CRIM1: variants seen among roughly 807,000 people sequenced by gnomAD.
CRIM1 encodes cysteine rich transmembrane BMP regulator 1, also known as cysteine-rich motor neuron 1 protein.
A neutral mutation model predicts 116.4 loss-of-function variants in CRIM1; 32 were observed. The ratio of observed to expected loss-of-function variants is 0.27; its 90% CI spans 0.21 to 0.37. The LOEUF (loss-of-function observed/expected upper bound fraction) is 0.37, where lower values mean the gene tolerates loss of function less well. Ranked by LOEUF, CRIM1 falls within the 10% of genes least tolerant of loss-of-function variation. The probability of loss-of-function intolerance (pLI) is 1.00; values close to 1 mark genes in which losing one functional copy is unlikely to be tolerated. For synonymous variants in CRIM1, 590 were observed against 509.2 expected, an observed-to-expected ratio of 1.16 and a Z score of -2.13; for missense variants, 1,331 against 1,354.8, an observed-to-expected ratio of 0.98 and a Z score of 0.28.
At chr2:36,424,991 A>G (rs1674345454) in intron 2 of CRIM1, among the ~76,000 whole-genome samples, 1 of 152,198 alleles carries the variant, frequency 6.6e-6, no homozygotes, top group Non-Finnish European at 1.5e-5. Flanking sequence ...TCCTATTGGT[A>G]CAAGAGGACA....
At position 36,422,103 on chromosome 2, in the gene CRIM1, G is replaced by A. The variant is rs561596035; in HGVS notation, c.506-19155G>A. ...GAACATTACAGAAAAATGTTGAGAA[G>A]TGGCAGAATTGGGATACTAGATAGC... On this transcript the variant is annotated intron_variant, in intron 2 of 16. Coordinates refer to ENST00000280527, the MANE Select transcript of CRIM1 (RefSeq NM_016441.3). Among the ~76,000 whole-genome samples, 5 of 151,208 alleles carry A rather than the reference G, an allele frequency of 3.3e-5. No individual in the cohort carries two copies. In the South Asian group the frequency reaches 1.1e-3, roughly 32 times the overall value.
chr2:36,545,544 T>C (rs993713720), intron 15 of CRIM1, among the ~76,000 whole-genome samples: 2 of 152,194 alleles, frequency 1.3e-5, no homozygotes, highest in Admixed American at 1.3e-4. Flanking sequence ...AGAAAATGTA[T>C]GCTTCTCCTA....
chr2:36,411,829 C>A (rs923064777), intron 2 of CRIM1, among the ~76,000 whole-genome samples: 1 of 152,034 alleles, frequency 6.6e-6, no homozygotes, highest in African/African-American at 2.4e-5. Context: ...TCCAGTGGTT[C>A]GTTTCTAAGA....
chr2:36,426,984 C>T (rs544076605), intron 2 of CRIM1, among the ~76,000 whole-genome samples: 2 of 152,086 alleles, frequency 1.3e-5, no homozygotes, highest in East Asian at 1.9e-4. Context: ...GGGTGGATCA[C>T]GAGGTCAGGA....
intron 11 of CRIM1, among the ~76,000 whole-genome samples, chr2:36,514,608 C>A (rs3821155): frequency 6.6e-6 from 1 of 151,906 alleles, no homozygotes; most frequent in Non-Finnish European, 1.5e-5. Flanking sequence ...AATCTTGTAT[C>A]AGATTTCTTT....
chr2:36,484,956 CAA>C (rs1352713298), intron 7 of CRIM1, among the ~76,000 whole-genome samples: 1 of 152,144 alleles, frequency 6.6e-6, no homozygotes, highest in African/African-American at 2.4e-5. Context: ...AACAGGAAGT[CAA>C]AGAGTTATTT....
chr2:36,365,461 C>G (rs964848040), intron 1 of CRIM1, among the ~76,000 whole-genome samples: 1 of 152,150 alleles, frequency 6.6e-6, no homozygotes, highest in Non-Finnish European at 1.5e-5. Flanking sequence ...CTAGCCGATT[C>G]AGAGACCACT....
chr2:36,546,269 A>T (rs1278137901), intron 15 of CRIM1, among the ~76,000 whole-genome samples: 1 of 152,230 alleles, frequency 6.6e-6, no homozygotes, highest in East Asian at 1.9e-4. Flanking sequence ...GTATGTGTTT[A>T]ACCTTATTTT....
chr2:36,503,082 A>C (rs1681115495), intron 8 of CRIM1, among the ~76,000 whole-genome samples: 1 of 152,200 alleles, frequency 6.6e-6, no homozygotes, highest in Non-Finnish European at 1.5e-5. Flanking sequence ...CGTATTAGCA[A>C]TCCAGGTTAT....
At chr2:36,468,440 C>T (rs1045273413) in intron 5 of CRIM1, among the ~76,000 whole-genome samples, 1 of 152,144 alleles carries the variant, frequency 6.6e-6, no homozygotes, top group South Asian at 2.1e-4. Flanking sequence ...CAGTTCATGA[C>T]AGTTTGTAAC....
chr2:36,519,625 T>G lies in CRIM1; in HGVS notation c.2206+2083T>G, dbSNP rs1572915498. On this transcript the variant is annotated intron_variant, in intron 12 of 16. Transcript: ENST00000280527. ...CTTGCATTCTAAAATGGCCCAAAAG[T>G]CATAGCTCCACAGTGGGATAACAGC... 1.3e-5 allele frequency among the ~76,000 whole-genome samples: 2 copies of G among 152,294 alleles called. 1 individual carries two copies. Among genetic ancestry groups the G allele is most frequent in the South Asian group, 4.1e-4 (2 of 4,824 alleles).
intron 8 of CRIM1, among the ~76,000 whole-genome samples, chr2:36,506,608 C>A (rs1436875518): frequency 6.6e-6 from 1 of 152,066 alleles, no homozygotes; most frequent in Non-Finnish European, 1.5e-5. Context: ...TAGTTGCTAT[C>A]GACCGGCCAT....
chr2:36,501,733 A>T (rs1222867930), intron 8 of CRIM1, among the ~76,000 whole-genome samples: 1 of 147,510 alleles, frequency 6.8e-6, no homozygotes, highest in Non-Finnish European at 1.5e-5. Context: ...AAAAACTAAC[A>T]AACAAAAAAA....
chr2:36,542,613 T>C (rs1667025712), intron 14 of CRIM1, among the ~76,000 whole-genome samples: 1 of 152,208 alleles, frequency 6.6e-6, no homozygotes, highest in South Asian at 2.1e-4. Flanking sequence ...TGGTGTCGCA[T>C]TTGCCCTTTA....
At chr2:36,467,505 A>G (rs1678143772) in intron 5 of CRIM1, among the ~76,000 whole-genome samples, 1 of 152,240 alleles carries the variant, frequency 6.6e-6, no homozygotes. Flanking sequence ...CTACATATCA[A>G]AGATTCATTA....
chr2:36,503,021 G>T (rs1681110686), intron 8 of CRIM1, among the ~76,000 whole-genome samples: 1 of 152,180 alleles, frequency 6.6e-6, no homozygotes, highest in Non-Finnish European at 1.5e-5. Context: ...TTTTCAGGTT[G>T]TCCTATACAG....
At chr2:36,363,849 C>T (rs1216857757) in intron 1 of CRIM1, among the ~76,000 whole-genome samples, 1 of 152,154 alleles carries the variant, frequency 6.6e-6, no homozygotes, top group Middle Eastern at 3.2e-3. Context: ...AGCTCGACGC[C>T]ATGGGGGCTA....
intron 4 of CRIM1, among the ~76,000 whole-genome samples, chr2:36,464,220 C>T (rs889295237): frequency 2.6e-5 from 4 of 152,066 alleles, no homozygotes; most frequent in African/African-American, 4.8e-5. Context: ...CCTGAGTCAG[C>T]CAGAAAATGT....
At chr2:36,377,044 C>T (rs149288564) in intron 1 of CRIM1, among the ~76,000 whole-genome samples, 1 of 152,312 alleles carries the variant, frequency 6.6e-6, no homozygotes, top group East Asian at 1.9e-4. Flanking sequence ...ATCCCTTTCC[C>T]TTGCCTCCCC....
Sources: gnomAD v4.1 joint callset for allele counts (sites outside exome capture counted in the v4.1 genomes callset) on GRCh38, gnomAD v4.1.1 for gene constraint, MANE v1.5 for transcripts, NCBI Gene and HGNC (gene_info 2026-07-23, HGNC 2026-07-21) for gene names.